Variants in ATP9B observed in about 807,000 individuals in gnomAD.
The protein encoded by ATP9B is ATPase phospholipid transporting 9B.
A neutral mutation model predicts 146.1 loss-of-function variants in ATP9B; 110 were observed. The observed-to-expected ratio is 0.75, with a 90% CI of 0.65 to 0.88. The LOEUF is 0.88. Among genes scored for constraint, ATP9B ranks in the 40% least tolerant of loss-of-function variants. The pLI is 0.00. For missense variants in ATP9B, 1,499 were observed against 1,496.4 expected (o/e 1.00, Z -0.03); for synonymous variants, 604 against 569.7 (o/e 1.06, Z -0.86).
chr18:79,294,633 G>A (rs919446153), intron 13 of ATP9B, among the ~76,000 whole-genome samples: 1 of 152,224 alleles, frequency 6.6e-6, no homozygotes, highest in African/African-American at 2.4e-5. Context: ...GACAAGCAGT[G>A]TAAAAAACTA....
chr18:79,094,147 TGTGCCATCTGCTCCCCGCCA>T (rs1365921482), intron 1 of ATP9B, among the ~76,000 whole-genome samples: 63 of 152,364 alleles, frequency 4.1e-4, no homozygotes, highest in African/African-American at 1.4e-3. Flanking sequence ...AAGCCTTGGC[TGTGCCATCTGCTCCCCGCCA>T]GTGCTTGTCA....
intron 28 of ATP9B, among the ~76,000 whole-genome samples, chr18:79,374,603 G>A (rs1292099816): frequency 6.6e-6 from 1 of 152,238 alleles, no homozygotes; most frequent in East Asian, 1.9e-4. Context: ...CTCGGGAGCA[G>A]TTGGGACTCA....
chr18:79,315,598 G>T (rs961068245), intron 15 of ATP9B, among the ~76,000 whole-genome samples: 2 of 152,228 alleles, frequency 1.3e-5, no homozygotes, highest in African/African-American at 4.8e-5. Context: ...TTGCTAATAT[G>T]ATAAAGGAAA....
Position 79,302,441 on chromosome 18 carries a change from G to A in ATP9B, c.1412-1163G>A, listed in dbSNP as rs116787741. Among the ~76,000 whole-genome samples, 363 of 150,736 alleles carry A rather than the reference G, an allele frequency of 2.4e-3. 1 individual carries two copies. The highest frequency in any genetic ancestry group is 8.0e-3 in the African/African-American group (327 of 40,902). The stretch of plus-strand genomic sequence containing the variant: ...AGCACCACGCGTGGCAGCACGTTGT[G>A]AAATAAGTGCACACACCCCCGGGGA... On this transcript the variant is annotated intron_variant, in intron 13 of 29. Transcript: ENST00000426216.
intron 6 of ATP9B, among the ~76,000 whole-genome samples, chr18:79,149,473 T>C (rs949330193): frequency 2.0e-5 from 3 of 151,498 alleles, no homozygotes; most frequent in Admixed American, 1.3e-4. Context: ...TGCAAAACTT[T>C]TAGAAAAAAA....
chr18:79,319,273 T>C (rs1020085663), intron 15 of ATP9B, among the ~76,000 whole-genome samples: 1 of 152,238 alleles, frequency 6.6e-6, no homozygotes, highest in African/African-American at 2.4e-5. Flanking sequence ...TAAGCTGCCT[T>C]CCAGAAGTGC....
intron 7 of ATP9B, among the ~76,000 whole-genome samples, chr18:79,169,268 C>T (rs1600126858): frequency 6.6e-6 from 1 of 152,140 alleles, no homozygotes; most frequent in East Asian, 1.9e-4. Flanking sequence ...ATTAATAGGT[C>T]CTTCTAGAAC....
In ATP9B at chr18:79,344,162, C is replaced by G; in HGVS notation, c.2383-103C>G. 5 of 1,082,634 alleles carry G rather than the reference C, an allele frequency of 4.6e-6. No homozygotes were observed. The South Asian group carries it at 6.8e-5, about 15-fold the overall frequency. 67.1% of individuals were successfully genotyped at this position (1,082,634 alleles called of 1,614,324 possible). A position where few individuals can be genotyped will look rare whatever the true frequency, so the allele number is the denominator to read the frequency against. On this transcript the variant is annotated intron_variant, in intron 20 of 29. Transcript: ENST00000426216. ...AAGCTCCTTTGGTTTTAGATAATAA[C>G]CCCAGAACATTCCACTGTGACTCTG...
rs376013786 is a variant in ATP9B, at chr18:79,098,478, A to G, written c.293+1829A>G. Among the ~76,000 whole-genome samples, 716 of 149,482 alleles carry G rather than the reference A, an allele frequency of 4.8e-3. 3 individuals carry two copies. The highest frequency in any genetic ancestry group is 0.023 in the South Asian group (105 of 4,554). On this transcript the variant is annotated intron_variant, in intron 2 of 29. Coordinates refer to ENST00000426216, the MANE Select transcript of ATP9B (RefSeq NM_198531.5). Reference sequence around the variant, plus strand: ...ACATTGGAGAAAATTTTCGCAACCTACTCATCTGACAAAGGGCTAATATCC... The same window carrying G: ...ACATTGGAGAAAATTTTCGCAACCTGCTCATCTGACAAAGGGCTAATATCC...
At chr18:79,077,248 G>C (rs1224816149) in intron 1 of ATP9B, among the ~76,000 whole-genome samples, 1 of 152,144 alleles carries the variant, frequency 6.6e-6, no homozygotes, top group Non-Finnish European at 1.5e-5. Context: ...TAAATCTTCT[G>C]CTTATCGGGC....
At chr18:79,256,713 C>T (rs1384875030) in intron 12 of ATP9B, among the ~76,000 whole-genome samples, 1 of 152,150 alleles carries the variant, frequency 6.6e-6, no homozygotes, top group Non-Finnish European at 1.5e-5. Context: ...CATCTTCCCT[C>T]TCCCATCCAC....
chr18:79,245,026 G>C (rs900298224), intron 11 of ATP9B, among the ~76,000 whole-genome samples: 3 of 152,230 alleles, frequency 2.0e-5, no homozygotes, highest in Non-Finnish European at 4.4e-5. Flanking sequence ...GCATGAAGCA[G>C]TCAGAACTCC....
chr18:79,281,576 TAAAAG>T (rs1356359865), intron 13 of ATP9B, among the ~76,000 whole-genome samples: 3 of 152,146 alleles, frequency 2.0e-5, no homozygotes, highest in Non-Finnish European at 4.4e-5. Context: ...ATCTGATACT[TAAAAG>T]AAATTTTAAG....
chr18:79,096,755 T>G, intron 2 of ATP9B, 106 bp downstream of exon 2: 1 of 902,654 alleles, frequency 1.1e-6, no homozygotes, highest in Non-Finnish European at 1.6e-6. Context: ...CAAGGAGATA[T>G]TCCTTAAATG....
chr18:79,343,784 T>G, intron 20 of ATP9B: 1 of 197,610 alleles, frequency 5.1e-6, no homozygotes, highest in Non-Finnish European at 1.0e-5. Context: ...ACGCTGCGAG[T>G]CAGTGACTCT....
At chr18:79,173,350 T>C (rs1174523563) in intron 7 of ATP9B, among the ~76,000 whole-genome samples, 2 of 152,160 alleles carry the variant, frequency 1.3e-5, no homozygotes, top group African/African-American at 4.8e-5. Flanking sequence ...CAATTGATTT[T>C]TTTTTAATGG....
intron 9 of ATP9B, 44 bp from the exon 10 acceptor site, chr18:79,206,893 A>G (rs374816696): frequency 6.9e-5 from 109 of 1,575,966 alleles, no homozygotes; most frequent in Non-Finnish European, 8.0e-5. Flanking sequence ...TGAATAATGA[A>G]CAATCATTTG....
chr18:79,330,042 A>G lies in ATP9B; in HGVS notation c.1966A>G (p.Met656Val), dbSNP rs2096781807. The G allele has an allele frequency of 1.2e-6, 2 of 1,614,188 alleles. No individual in the cohort carries two copies. Among genetic ancestry groups the G allele is most frequent in the Non-Finnish European group, 1.7e-6 (2 of 1,179,998 alleles). The change falls in exon 17 of 30, where the codon ATG becomes GTG. Residue 656 changes from methionine to valine, a missense_variant. Physicochemically the swap from Met to Val is conservative, Grantham distance 21. Transcript: ENST00000426216. The stretch of plus-strand genomic sequence containing the variant: ...ATCCACGGCAGAAATCACATTCTAC[A>G]TGAAGGGCGCTGACGTGGCCATGTC... Reference protein sequence around the residue: ...DESTAEITFYMKGADVAMSPI... With the variant: ...DESTAEITFYVKGADVAMSPI...
chr18:79,314,245 T>C (rs565034401), intron 15 of ATP9B, among the ~76,000 whole-genome samples: 1 of 152,210 alleles, frequency 6.6e-6, no homozygotes, highest in Non-Finnish European at 1.5e-5. Flanking sequence ...CTTAAAACCC[T>C]GTTTGTGGCG....
Sources: allele counts gnomAD v4.1 joint callset (sites outside exome capture counted in the v4.1 genomes callset), GRCh38; gene constraint gnomAD v4.1.1; transcripts MANE v1.5; gene names NCBI Gene and HGNC (gene_info 2026-07-23, HGNC 2026-07-21).